The following FBXO42 variants were observed in gnomAD, a reference collection of about 807,000 sequenced individuals.
The protein encoded by FBXO42 is F-box protein 42, also known as F-box only protein 42.
A neutral mutation model predicts 71.7 loss-of-function variants in FBXO42; 12 were observed. That is an observed-to-expected ratio of 0.17 (90% confidence interval 0.11 to 0.27). The LOEUF (loss-of-function observed/expected upper bound fraction) is 0.27, where lower values mean the gene tolerates loss of function less well. Ranked by LOEUF, FBXO42 falls within the 10% of genes least tolerant of loss-of-function variation. The probability of loss-of-function intolerance (pLI) is 1.00; values close to 1 mark genes in which losing one functional copy is unlikely to be tolerated. For missense variants in FBXO42, 707 were observed against 911.9 expected, an observed-to-expected ratio of 0.78 and a Z score of 2.89; for synonymous variants, 325 against 327.5, an observed-to-expected ratio of 0.99 and a Z score of 0.08.
In FBXO42 at chr1:16,249,005, A is replaced by G. The variant is rs1382733061; in HGVS notation, c.*1665T>C. The G allele has an allele frequency of 6.6e-6, 1 of 152,290 alleles. No homozygotes were observed. Among genetic ancestry groups the G allele is most frequent in the African/African-American group, 2.4e-5 (1 of 41,482 alleles). The allele number at this position is 152,290 out of a possible 1,614,324, so 9.4% of individuals were successfully genotyped here. On this transcript the variant is annotated 3_prime_UTR_variant, in exon 10 of 10. Transcript: ENST00000375592. Reference sequence around the variant, plus strand: ...GGCTGCCAGATGCTGGCTGAAAGCCAGGACCCAGGGCCAGCTGCAGCAGGC... The same window carrying G: ...GGCTGCCAGATGCTGGCTGAAAGCCGGGACCCAGGGCCAGCTGCAGCAGGC...
intron 2 of FBXO42, among the ~76,000 whole-genome samples, chr1:16,308,221 T>G (rs963315423): frequency 1.3e-5 from 2 of 152,108 alleles, no homozygotes; most frequent in Admixed American, 6.6e-5. Context: ...GCTCAAGTGT[T>G]CCTCCCATCT....
intron 4 of FBXO42, among the ~76,000 whole-genome samples, chr1:16,262,909 C>T (rs2081730362): frequency 6.6e-6 from 1 of 151,916 alleles, no homozygotes; most frequent in Non-Finnish European, 1.5e-5. Flanking sequence ...CAGCATTTCA[C>T]CATGTTGTGT....
intron 4 of FBXO42, among the ~76,000 whole-genome samples, chr1:16,276,328 C>T (rs1348821065): frequency 2.0e-5 from 3 of 149,132 alleles, no homozygotes; most frequent in Admixed American, 6.8e-5. Flanking sequence ...TGCAGTAAGC[C>T]GAGATCACAC....
chr1:16,344,486 C>CTTTTTTT (rs59077549), intron 1 of FBXO42, among the ~76,000 whole-genome samples: 1 of 87,160 alleles, frequency 1.1e-5, no homozygotes, highest in African/African-American at 4.4e-5. Context: ...ACCCAGCTAA[C>CTTTTTTT]TTTTTTTTTT....
intron 4 of FBXO42, among the ~76,000 whole-genome samples, chr1:16,280,111 G>A (rs907015319): frequency 6.6e-6 from 1 of 152,142 alleles, no homozygotes; most frequent in African/African-American, 2.4e-5. Context: ...ACCTCCCAAA[G>A]TGCTGGGATT....
intron 4 of FBXO42, among the ~76,000 whole-genome samples, chr1:16,267,646 A>AT (rs1427522128): frequency 6.6e-6 from 1 of 151,920 alleles, no homozygotes; most frequent in African/African-American, 2.4e-5. Context: ...TACCCACTCC[A>AT]TTTTTTTCTT....
chr1:16,333,396 T>A (rs1352403330), intron 1 of FBXO42, among the ~76,000 whole-genome samples: 3 of 150,780 alleles, frequency 2.0e-5, no homozygotes, highest in East Asian at 3.9e-4. Flanking sequence ...GAGGATCGCT[T>A]GAGGCCAGGA....
At chr1:16,335,734 G>A (rs544741159) in intron 1 of FBXO42, among the ~76,000 whole-genome samples, 61 of 151,686 alleles carry the variant, frequency 4.0e-4, no homozygotes, top group Admixed American at 1.9e-3. Context: ...GGGCGTGGTC[G>A]TGGGCACCTG....
chr1:16,315,339 T>C lies in FBXO42; in HGVS notation c.80A>G (p.Asp27Gly). 1 of 1,614,138 alleles carries C rather than the reference T, an allele frequency of 6.2e-7. No individual in the cohort carries two copies. The highest frequency in any genetic ancestry group is 8.5e-7 in the Non-Finnish European group (1 of 1,180,010). The change falls in exon 2 of 10, where the codon GAT becomes GGT. Residue 27 changes from aspartate to glycine, a missense_variant. Asp to Gly is a moderately conservative substitution (Grantham distance 94, BLOSUM62 -1). This residue lies in a region of FBXO42 where 188 missense variants were observed against 230.5 expected (regional missense o/e 0.82). Transcript: ENST00000375592. ...QEETVLEGTM[D>G]QDEEPHPVLE... is the part of the protein sequence containing the mutation. Reference sequence around the variant, plus strand: ...TACTGGGTGGGGCTCCTCATCTTGATCCATTGTCCCTTCCAGCACAGTTTC... The same window carrying C: ...TACTGGGTGGGGCTCCTCATCTTGACCCATTGTCCCTTCCAGCACAGTTTC...
intron 2 of FBXO42, among the ~76,000 whole-genome samples, chr1:16,311,601 A>C (rs1468874388): frequency 6.6e-6 from 1 of 151,236 alleles, no homozygotes; most frequent in Admixed American, 6.6e-5. Flanking sequence ...GTATGTGGGT[A>C]ACACATAAGC....
intron 4 of FBXO42, among the ~76,000 whole-genome samples, chr1:16,279,510 T>G (rs2081938279): frequency 6.6e-6 from 1 of 152,190 alleles, no homozygotes. Flanking sequence ...CCAAAAAAAT[T>G]TTAAAAGCAA....
chr1:16,296,474 A>T (rs1569876310), intron 3 of FBXO42, among the ~76,000 whole-genome samples: 1 of 151,694 alleles, frequency 6.6e-6, no homozygotes, highest in South Asian at 2.1e-4. Context: ...ACATGGCAAA[A>T]CCCCGTCTCT....
chr1:16,292,110 T>G (rs2082085327), intron 4 of FBXO42, among the ~76,000 whole-genome samples: 1 of 152,250 alleles, frequency 6.6e-6, no homozygotes, highest in South Asian at 2.1e-4. Context: ...GTTAGAAAAT[T>G]ACTTTAAACA....
intron 4 of FBXO42, among the ~76,000 whole-genome samples, chr1:16,265,124 G>A (rs535373512): frequency 1.2e-4 from 18 of 152,226 alleles, no homozygotes; most frequent in African/African-American, 3.1e-4. Context: ...ACGGAGTTTC[G>A]CTCTTGTTGC....
intron 1 of FBXO42, among the ~76,000 whole-genome samples, chr1:16,327,253 C>T (rs1042818862): frequency 2.0e-5 from 3 of 152,118 alleles, no homozygotes; most frequent in Admixed American, 6.6e-5. Context: ...TTCACTGAAC[C>T]GTACTTTCAC....
intron 4 of FBXO42, among the ~76,000 whole-genome samples, chr1:16,277,344 G>A (rs1377663236): frequency 6.6e-6 from 1 of 152,062 alleles, no homozygotes; most frequent in Non-Finnish European, 1.5e-5. Flanking sequence ...AAGCAGAATC[G>A]AATAGTGACA....
chr1:16,279,722 GACTATA>G (rs1440745861), intron 4 of FBXO42, among the ~76,000 whole-genome samples: 3 of 151,846 alleles, frequency 2.0e-5, no homozygotes, highest in Non-Finnish European at 2.9e-5. Context: ...GAAAGCAATA[GACTATA>G]AAAAAGAATT....
intron 1 of FBXO42, among the ~76,000 whole-genome samples, chr1:16,343,335 C>T (rs147267803): frequency 9.9e-4 from 150 of 152,172 alleles, no homozygotes; most frequent in South Asian, 2.5e-3. Context: ...CTTGAAGACA[C>T]GAATTCCAGA....
At chr1:16,335,803 G>T (rs1421769752) in intron 1 of FBXO42, among the ~76,000 whole-genome samples, 7 of 147,492 alleles carry the variant, frequency 4.7e-5, no homozygotes, top group African/African-American at 1.8e-4. Flanking sequence ...AGAGGCAGAG[G>T]TTGCAGTGAG....
Sources: gnomAD v4.1 joint callset for allele counts (sites outside exome capture counted in the v4.1 genomes callset) on GRCh38, gnomAD v4.1.1 for gene constraint, gnomAD v4.1.1 regional missense constraint, MANE v1.5 for transcripts, NCBI Gene and HGNC (gene_info 2026-07-23, HGNC 2026-07-21) for gene names.